Variants in PPFIBP2 observed in about 807,000 individuals in gnomAD.
PPFIBP2 encodes the protein liprin-beta-2.
Under a neutral mutation model 118.3 loss-of-function variants are expected in PPFIBP2, and 118 were observed. That is an observed-to-expected ratio of 1.00 (90% CI 0.86 to 1.16). PPFIBP2 has a LOEUF of 1.16. PPFIBP2 is among the 50% of genes most tolerant of loss of function. The probability of loss-of-function intolerance (pLI) is 0.00; values close to 1 mark genes in which losing one functional copy is unlikely to be tolerated. For missense variants in PPFIBP2, 1,195 were observed against 1,073.1 expected (o/e 1.11, Z -1.59); for synonymous variants, 414 against 397.4 (o/e 1.04, Z -0.50).
chr11:7,539,995 G>A (rs1851613468), intron 1 of PPFIBP2, among the ~76,000 whole-genome samples: 1 of 138,324 alleles, frequency 7.2e-6, no homozygotes, highest in South Asian at 2.4e-4. Context: ...TAGGTAAAAT[G>A]AGGTTCATTA....
At chr11:7,622,222 G>C (rs1329417175) in intron 7 of PPFIBP2, among the ~76,000 whole-genome samples, 1 of 152,220 alleles carries the variant, frequency 6.6e-6, no homozygotes, top group African/African-American at 2.4e-5. Context: ...AGAAAGGAGA[G>C]GAGGTGCCAC....
intron 3 of PPFIBP2, chr11:7,572,032 T>A (rs1364511268): frequency 6.6e-6 from 1 of 152,234 alleles, no homozygotes; most frequent in African/African-American, 2.4e-5. Flanking sequence ...TTTGCCATTT[T>A]CCTTAGAAAC....
chr11:7,597,539 T>C (rs1247441358), intron 4 of PPFIBP2, 21 bp from the exon 5 acceptor site: 2 of 1,605,690 alleles, frequency 1.2e-6, no homozygotes, highest in East Asian at 2.2e-5. Flanking sequence ...TCCTCCACCA[T>C]TGCTTTATTT....
At chr11:7,658,219 A>G (rs540853218), downstream of PPFIBP2, among the ~76,000 whole-genome samples, 7 of 150,916 alleles carry the variant, frequency 4.6e-5, no homozygotes, top group East Asian at 1.2e-3. Context: ...ATATGTATAC[A>G]TGTGCCATGC....
chr11:7,603,185 A>G (rs1846887200), intron 5 of PPFIBP2, among the ~76,000 whole-genome samples: 1 of 152,362 alleles, frequency 6.6e-6, no homozygotes, highest in Admixed American at 6.5e-5. Context: ...AGAAGTGAAG[A>G]AAACAGGAAT....
intron 5 of PPFIBP2, among the ~76,000 whole-genome samples, chr11:7,606,509 G>A (rs1423203150): frequency 2.0e-5 from 3 of 152,138 alleles, no homozygotes; most frequent in Admixed American, 6.5e-5. Context: ...AAAGGTAGAA[G>A]CACATGCTAA....
At chr11:7,656,200 G>C (rs1854670501), downstream of PPFIBP2, among the ~76,000 whole-genome samples, 1 of 152,180 alleles carries the variant, frequency 6.6e-6, no homozygotes, top group Non-Finnish European at 1.5e-5. Context: ...CACAGGATTT[G>C]TTTTTGAGGA....
downstream of PPFIBP2, among the ~76,000 whole-genome samples, chr11:7,657,848 G>A (rs531145081): frequency 4.6e-5 from 7 of 152,192 alleles, no homozygotes; most frequent in Non-Finnish European, 7.3e-5. Context: ...GAAGTTTCTT[G>A]TCGTCTTACC....
chr11:7,561,212 C>T (rs1349607822), intron 2 of PPFIBP2, among the ~76,000 whole-genome samples: 2 of 152,110 alleles, frequency 1.3e-5, no homozygotes, highest in Non-Finnish European at 2.9e-5. Flanking sequence ...GTTACAGGGG[C>T]CTGCCACCAT....
At chr11:7,615,389 G>A (rs193069107) in intron 6 of PPFIBP2, among the ~76,000 whole-genome samples, 1 of 151,844 alleles carries the variant, frequency 6.6e-6, no homozygotes, top group Non-Finnish European at 1.5e-5. Flanking sequence ...CAAGCCTGTG[G>A]ACAGACATAC....
At chr11:7,574,814 C>T (rs1856085914) in intron 3 of PPFIBP2, among the ~76,000 whole-genome samples, 1 of 152,112 alleles carries the variant, frequency 6.6e-6, no homozygotes, top group African/African-American at 2.4e-5. Context: ...GCTCCTAGGT[C>T]TTTTGGGGTG....
intron 1 of PPFIBP2, among the ~76,000 whole-genome samples, chr11:7,547,413 C>T (rs1288793579): frequency 6.6e-6 from 1 of 152,098 alleles, no homozygotes; most frequent in Non-Finnish European, 1.5e-5. Context: ...TCATAGGCCA[C>T]AGTAAGGAGT....
chr11:7,548,979 A>G (rs1341662256), intron 1 of PPFIBP2, among the ~76,000 whole-genome samples: 3 of 152,200 alleles, frequency 2.0e-5, no homozygotes, highest in Non-Finnish European at 2.9e-5. Context: ...CCTAGGGCAA[A>G]TGCAGATGTA....
chr11:7,598,313 G>T, intron 5 of PPFIBP2: 1 of 284,892 alleles, frequency 3.5e-6, no homozygotes. Context: ...AATTTTTGCT[G>T]TATTGTCATC....
intron 6 of PPFIBP2, among the ~76,000 whole-genome samples, chr11:7,620,017 C>G (rs964168500): frequency 2.6e-5 from 4 of 152,108 alleles, no homozygotes; most frequent in African/African-American, 7.2e-5. Context: ...AATCTTGGTT[C>G]AAGATAACAG....
chr11:7,534,735 G>T (rs1851049986), intron 1 of PPFIBP2, among the ~76,000 whole-genome samples: 1 of 152,196 alleles, frequency 6.6e-6, no homozygotes, highest in Non-Finnish European at 1.5e-5. Context: ...GTTGCCCAGA[G>T]CTTAATTCAC....
At chr11:7,619,787 T>C (rs775432467) in intron 6 of PPFIBP2, among the ~76,000 whole-genome samples, 1 of 152,194 alleles carries the variant, frequency 6.6e-6, no homozygotes, top group Non-Finnish European at 1.5e-5. Flanking sequence ...GGCCGTTAGA[T>C]AGATGGATAT....
At chr11:7,640,220 T>C (rs1255016129) in intron 15 of PPFIBP2, among the ~76,000 whole-genome samples, 3 of 152,076 alleles carry the variant, frequency 2.0e-5, no homozygotes, top group Non-Finnish European at 4.4e-5. Flanking sequence ...CACCCCCTTC[T>C]ACCCTTCCTG....
chr11:7,585,783 T>C, intron 3 of PPFIBP2, among the ~76,000 whole-genome samples: 1 of 152,198 alleles, frequency 6.6e-6, no homozygotes, highest in East Asian at 1.9e-4. Flanking sequence ...CAGAGGGTGA[T>C]GTCTTTGAGG....
Sources: allele counts gnomAD v4.1 joint callset (sites outside exome capture counted in the v4.1 genomes callset), GRCh38; gene constraint gnomAD v4.1.1; transcripts MANE v1.5; gene names NCBI Gene and HGNC (gene_info 2026-07-23, HGNC 2026-07-21).